NCKAP5: variants seen among roughly 807,000 people sequenced by gnomAD.
NCKAP5 encodes nck-associated protein 5.
Under a neutral mutation model 167.0 loss-of-function variants are expected in NCKAP5, and 92 were observed. The observed-to-expected ratio is 0.55, with a 90% CI of 0.47 to 0.66. NCKAP5 has a LOEUF of 0.66. NCKAP5 is among the 30% of genes least tolerant of loss of function. The pLI is 0.00. For synonymous variants in NCKAP5, 891 were observed against 877.4 expected (o/e 1.02, Z -0.27); for missense variants, 2,378 against 2,315.0 (o/e 1.03, Z -0.56).
chr2:133,560,946 A>C (rs143130814), intron 1 of NCKAP5, among the ~76,000 whole-genome samples: 2 of 152,346 alleles, frequency 1.3e-5, no homozygotes, highest in African/African-American at 4.8e-5. Context: ...CCAGGGCCCC[A>C]ACTCCAAAAT....
Position 132,784,073 on chromosome 2 carries a change from T to A in NCKAP5, c.2738A>T (p.Asp913Val), listed in dbSNP as rs757785053. The change falls in exon 14 of 20, where the codon GAT becomes GTT. Residue 913 changes from aspartate to valine, a missense_variant. Around this residue, in one of 3 missense-constraint regions of NCKAP5, gnomAD observed 1,325 missense variants for 1,274.5 expected, o/e 1.04. Transcript: ENST00000409261. ...SSDSGEPPTR[D>V]EHCGSGPEAG... ...CTCCGGCCCAGAGCCACAGTGTTCA[T>A]CCCTCGTGGGGGGCTCTCCACTGTC... 1 of 1,524,344 alleles carries A rather than the reference T, an allele frequency of 6.6e-7. No individual in the cohort carries two copies. The highest frequency in any genetic ancestry group is 8.8e-7 in the Non-Finnish European group (1 of 1,138,514). 94.4% of individuals were successfully genotyped at this position (1,524,344 alleles called of 1,614,324 possible).
At chr2:132,925,813 A>C (rs1470281195) in intron 8 of NCKAP5, among the ~76,000 whole-genome samples, 2 of 152,186 alleles carry the variant, frequency 1.3e-5, no homozygotes, top group African/African-American at 2.4e-5. Context: ...CAATGTGACA[A>C]AGTAAGGTAG....
intron 4 of NCKAP5, among the ~76,000 whole-genome samples, chr2:133,243,872 C>T (rs1389810531): frequency 2.6e-5 from 4 of 152,192 alleles, no homozygotes; most frequent in Non-Finnish European, 4.4e-5. Flanking sequence ...TCACTTGTAA[C>T]GTGTTTTTCT....
intron 7 of NCKAP5, among the ~76,000 whole-genome samples, chr2:132,991,674 G>A (rs2077451160): frequency 6.6e-6 from 1 of 152,092 alleles, no homozygotes; most frequent in Non-Finnish European, 1.5e-5. Flanking sequence ...CACTGCTACC[G>A]CAGTGGAAAA....
intron 19 of NCKAP5, among the ~76,000 whole-genome samples, chr2:132,721,576 G>A (rs1294770547): frequency 6.6e-6 from 1 of 152,126 alleles, no homozygotes; most frequent in Non-Finnish European, 1.5e-5. Flanking sequence ...AGACACTCAA[G>A]GCACGTCCTC....
At chr2:133,236,070 CAAAAAAAAAAA>C (rs527705526) in intron 4 of NCKAP5, among the ~76,000 whole-genome samples, 105 of 15,666 alleles carry the variant, frequency 6.7e-3, no homozygotes, top group African/African-American at 0.014. Context: ...TGTCTCAGAC[CAAAAAAAAAAA>C]AAAAAAAAAA....
chr2:133,647,718 AAGGAAGG>A, the NCKAP5 span, among the ~76,000 whole-genome samples: 84 of 134,348 alleles, frequency 6.3e-4, 1 homozygote, highest in African/African-American at 2.3e-3. Context: ...AAAAGAAAGG[AAGGAAGG>A]AAGGAAGGAA....
chr2:133,523,144 C>A (rs1269052654), intron 2 of NCKAP5, among the ~76,000 whole-genome samples: 1 of 151,116 alleles, frequency 6.6e-6, no homozygotes, highest in Non-Finnish European at 1.5e-5. Context: ...TTAGTAATGG[C>A]CTTTTCATGC....
intron 3 of NCKAP5, among the ~76,000 whole-genome samples, chr2:133,484,436 A>G (rs1330881034): frequency 6.6e-6 from 1 of 152,166 alleles, no homozygotes; most frequent in Non-Finnish European, 1.5e-5. Flanking sequence ...CCTGATTCCC[A>G]ATGCAGGGGA....
the NCKAP5 span, among the ~76,000 whole-genome samples, chr2:133,630,314 G>C: frequency 6.6e-6 from 1 of 152,074 alleles, no homozygotes; most frequent in South Asian, 2.1e-4. Context: ...AGGAACATGG[G>C]GACACAGAGA....
At chr2:132,869,044 A>G in intron 9 of NCKAP5, 70 bp from the exon 10 acceptor site, 1 of 1,159,852 alleles carries the variant, frequency 8.6e-7, no homozygotes, top group East Asian at 2.7e-5. Flanking sequence ...CTAATTTACC[A>G]ATAAGTTTCT....
intron 6 of NCKAP5, among the ~76,000 whole-genome samples, chr2:133,030,101 A>T (rs145975704): frequency 1.3e-5 from 2 of 152,336 alleles, no homozygotes; most frequent in East Asian, 3.9e-4. Flanking sequence ...TAGTTTACAC[A>T]TGTAGAAATG....
chr2:132,896,158 A>C (rs193235802), intron 8 of NCKAP5, among the ~76,000 whole-genome samples: 91 of 152,296 alleles, frequency 6.0e-4, no homozygotes, highest in African/African-American at 2.1e-3. Context: ...ACAAACAAAA[A>C]CAAAAAAACA....
intron 6 of NCKAP5, among the ~76,000 whole-genome samples, chr2:133,009,419 A>C (rs553122690): frequency 6.7e-6 from 1 of 149,676 alleles, no homozygotes; most frequent in African/African-American, 2.5e-5. Context: ...TAAATTAAGG[A>C]GCTATATATT....
At chr2:133,599,433 G>A in the NCKAP5 span, among the ~76,000 whole-genome samples, 1 of 152,194 alleles carries the variant, frequency 6.6e-6, no homozygotes, top group African/African-American at 2.4e-5. Context: ...GATTGCACAA[G>A]GAAGTGCAAT....
intron 6 of NCKAP5, among the ~76,000 whole-genome samples, chr2:132,994,747 G>A (rs992667109): frequency 6.6e-6 from 1 of 152,154 alleles, no homozygotes. Flanking sequence ...AATACGTTCT[G>A]AGAAATGTTG....
chr2:132,969,236 T>TCTCTAC (rs2076757511), intron 7 of NCKAP5, among the ~76,000 whole-genome samples: 1 of 151,902 alleles, frequency 6.6e-6, no homozygotes, highest in Non-Finnish European at 1.5e-5. Context: ...TGGGGTTTCA[T>TCTCTAC]TATGTTAGCC....
intron 5 of NCKAP5, among the ~76,000 whole-genome samples, chr2:133,211,730 A>G (rs937516009): frequency 1.3e-5 from 2 of 152,294 alleles, no homozygotes; most frequent in African/African-American, 4.8e-5. Flanking sequence ...TGCCTAACCA[A>G]TCAATACAAA....
At chr2:133,463,463 G>A (rs763630543) in intron 3 of NCKAP5, among the ~76,000 whole-genome samples, 2 of 152,210 alleles carry the variant, frequency 1.3e-5, no homozygotes, top group African/African-American at 2.4e-5. Context: ...TTAAGTTTTA[G>A]GCTGAAGTCC....
Sources: allele counts gnomAD v4.1 joint callset (sites outside exome capture counted in the v4.1 genomes callset), GRCh38; gene constraint gnomAD v4.1.1; regional missense constraint gnomAD v4.1.1; transcripts MANE v1.5; gene names NCBI Gene and HGNC (gene_info 2026-07-23, HGNC 2026-07-21).